Variants in TTC28 observed in about 807,000 individuals in gnomAD.
The protein encoded by TTC28 is tetratricopeptide repeat protein 28.
TTC28 carries 61 observed loss-of-function variants against 198.0 expected under a neutral mutation model. The ratio of observed to expected loss-of-function variants is 0.31; its 90% CI spans 0.25 to 0.38. TTC28 has a LOEUF of 0.38. Ranked by LOEUF, TTC28 falls within the 10% of genes least tolerant of loss-of-function variation. The pLI, the probability that TTC28 is intolerant of heterozygous loss-of-function variation, is 1.00. For missense variants in TTC28, 2,678 were observed against 3,164.0 expected (o/e 0.85, Z 3.69); for synonymous variants, 1,171 against 1,297.8 (o/e 0.90, Z 2.10).
intron 2 of TTC28, among the ~76,000 whole-genome samples, chr22:28,486,044 AG>A (rs1369429323): frequency 6.6e-6 from 1 of 152,166 alleles, no homozygotes; most frequent in Non-Finnish European, 1.5e-5. Context: ...AAGAAGACAA[AG>A]AGTAATAAAG....
intron 2 of TTC28, among the ~76,000 whole-genome samples, chr22:28,498,329 T>C (rs2048486259): frequency 6.6e-6 from 1 of 152,218 alleles, no homozygotes; most frequent in Non-Finnish European, 1.5e-5. Flanking sequence ...TTCACTTTGT[T>C]TGTTTTCTTT....
At chr22:28,243,208 A>AAAAAAAAAAAAAAAAAAAAAAAAAAAC (rs1569217602) in intron 5 of TTC28, among the ~76,000 whole-genome samples, 1 of 120,788 alleles carries the variant, frequency 8.3e-6, no homozygotes, top group Admixed American at 8.7e-5. Context: ...AAAAAAAAAA[A>AAAAAAAAAAAAAAAAAAAAAAAAAAAC]AAAAACTAGC....
chr22:28,134,340 T>C (rs1012440052), intron 6 of TTC28, among the ~76,000 whole-genome samples: 5 of 152,126 alleles, frequency 3.3e-5, no homozygotes, highest in Non-Finnish European at 7.3e-5. Context: ...TCGCCAGCAA[T>C]GGAACACAGC....
intron 5 of TTC28, among the ~76,000 whole-genome samples, chr22:28,192,349 CAGA>C (rs1364111069): frequency 6.6e-6 from 1 of 152,128 alleles, no homozygotes; most frequent in Non-Finnish European, 1.5e-5. Context: ...AAAAAAAGAG[CAGA>C]AGAACTGGAA....
chr22:28,471,941 T>C (rs1161313395), intron 2 of TTC28, among the ~76,000 whole-genome samples: 1 of 152,104 alleles, frequency 6.6e-6, no homozygotes, highest in Non-Finnish European at 1.5e-5. Context: ...TATCTTTGAG[T>C]CTCTGGAGTG....
intron 9 of TTC28, 71 bp downstream of exon 9, chr22:28,101,100 A>C: frequency 8.5e-7 from 1 of 1,176,784 alleles, no homozygotes; most frequent in South Asian, 1.4e-5. Flanking sequence ...CATCACTACT[A>C]GGACAGTAAT....
chr22:28,425,033 G>A (rs2047325936), intron 2 of TTC28, among the ~76,000 whole-genome samples: 1 of 152,158 alleles, frequency 6.6e-6, no homozygotes, highest in Non-Finnish European at 1.5e-5. Context: ...CTAAGTCACT[G>A]TACATATAAA....
chr22:28,349,579 T>C (rs1601671461), intron 2 of TTC28, among the ~76,000 whole-genome samples: 1 of 152,140 alleles, frequency 6.6e-6, no homozygotes, highest in East Asian at 1.9e-4. Context: ...TGAGTTCCCA[T>C]CTCAGTTTCT....
intron 5 of TTC28, among the ~76,000 whole-genome samples, chr22:28,168,883 G>A (rs961219459): frequency 1.3e-5 from 2 of 152,078 alleles, no homozygotes; most frequent in Admixed American, 1.3e-4. Flanking sequence ...GAGTGAACAG[G>A]CACCCTACAG....
At chr22:28,206,018 T>C (rs1419876585) in intron 5 of TTC28, among the ~76,000 whole-genome samples, 1 of 151,176 alleles carries the variant, frequency 6.6e-6, no homozygotes, top group Non-Finnish European at 1.5e-5. Flanking sequence ...GGAGACATTA[T>C]TGAAAATTGG....
intron 2 of TTC28, among the ~76,000 whole-genome samples, chr22:28,361,136 G>C (rs1341829085): frequency 6.6e-6 from 1 of 152,144 alleles, no homozygotes; most frequent in African/African-American, 2.4e-5. Flanking sequence ...GTGTTCAAGT[G>C]AAAGAAAGAG....
chr22:28,065,111 G>A (rs1469018210), intron 12 of TTC28, among the ~76,000 whole-genome samples: 1 of 152,108 alleles, frequency 6.6e-6, no homozygotes, highest in Non-Finnish European at 1.5e-5. Flanking sequence ...CTTGCATAGC[G>A]GCTTGGCAGC....
chr22:28,043,070 C>T lies in TTC28; in HGVS notation c.3933-12704G>A, dbSNP rs556597640. 1.5e-3 allele frequency among the ~76,000 whole-genome samples: 224 copies of T among 151,792 alleles called. 1 individual carries two copies. Among genetic ancestry groups the T allele is most frequent in the African/African-American group, 4.1e-3 (169 of 41,394 alleles). On this transcript the variant is annotated intron_variant, in intron 12 of 22. Transcript: ENST00000397906. ...ACCAGCCTGGCCAAAATGGCAAAAC[C>T]CTGTCTCTACTAAAAATACAAAAAT...
chr22:28,046,604 C>T (rs1361906012), intron 12 of TTC28, among the ~76,000 whole-genome samples: 1 of 152,184 alleles, frequency 6.6e-6, no homozygotes, highest in Non-Finnish European at 1.5e-5. Flanking sequence ...AAAAGCCCCT[C>T]TCTCCTCCCA....
intron 2 of TTC28, among the ~76,000 whole-genome samples, chr22:28,413,078 G>T (rs2047108650): frequency 6.6e-6 from 1 of 152,120 alleles, no homozygotes; most frequent in African/African-American, 2.4e-5. Context: ...AGCACATTCA[G>T]GTGGGTTTCT....
intron 1 of TTC28, among the ~76,000 whole-genome samples, chr22:28,676,115 C>T (rs1234586136): frequency 2.0e-5 from 3 of 152,002 alleles, no homozygotes; most frequent in African/African-American, 7.2e-5. Flanking sequence ...AAAAAACTCA[C>T]GTGCCTATCA....
intron 2 of TTC28, among the ~76,000 whole-genome samples, chr22:28,470,183 T>C (rs531942909): frequency 6.6e-6 from 1 of 152,284 alleles, no homozygotes; most frequent in East Asian, 1.9e-4. Context: ...GTTTAAGCCA[T>C]TAACTATGTG....
chr22:27,986,563 A>G (rs1254836933), intron 21 of TTC28, among the ~76,000 whole-genome samples: 1 of 152,108 alleles, frequency 6.6e-6, no homozygotes, highest in Non-Finnish European at 1.5e-5. Flanking sequence ...CCCTGACAAC[A>G]CTGCAAAGTG....
chr22:27,990,585 GC>G (rs1937364379), intron 20 of TTC28, among the ~76,000 whole-genome samples: 1 of 152,208 alleles, frequency 6.6e-6, no homozygotes, highest in Non-Finnish European at 1.5e-5. Flanking sequence ...CGCAAGAAGG[GC>G]GGAGCAGGAA....
Sources: allele counts gnomAD v4.1 joint callset (sites outside exome capture counted in the v4.1 genomes callset), GRCh38; gene constraint gnomAD v4.1.1; transcripts MANE v1.5; gene names NCBI Gene and HGNC (gene_info 2026-07-23, HGNC 2026-07-21).